Variants in CFAP20DC observed in about 807,000 individuals in gnomAD.
CFAP20DC encodes the protein CFAP20 domain containing.
A neutral mutation model predicts 101.7 loss-of-function variants in CFAP20DC; 84 were observed. That is an observed-to-expected ratio of 0.83 (90% confidence interval 0.69 to 0.99). The LOEUF is 0.99. Among genes scored for constraint, CFAP20DC ranks in the 50% least tolerant of loss-of-function variants. The pLI is 0.00. For missense variants in CFAP20DC, 1,007 were observed against 970.3 expected, an observed-to-expected ratio of 1.04 and a Z score of -0.50; for synonymous variants, 359 against 351.2, an observed-to-expected ratio of 1.02 and a Z score of -0.25.
chr3:58,766,810 TC>T (rs2070361604), intron 15 of CFAP20DC, among the ~76,000 whole-genome samples: 1 of 152,190 alleles, frequency 6.6e-6, no homozygotes, highest in Non-Finnish European at 1.5e-5. Context: ...TGCCCCCTTG[TC>T]TAGACCATGC....
In CFAP20DC at chr3:58,763,319, G is replaced by A. The variant is rs562313591; in HGVS notation, c.2238-9456C>T. Among the ~76,000 whole-genome samples, 3 of 152,268 alleles carry A rather than the reference G, an allele frequency of 2.0e-5. No homozygotes were observed. The South Asian group carries it at 6.2e-4, about 32-fold the overall frequency. ...TCCATCACTGACACCCTTTCTTCCA[G>A]TTGATCGAATCGGCTACTGAGGCTT... On this transcript the variant is annotated intron_variant, in intron 15 of 16. Transcript: ENST00000482387.
chr3:58,748,623 A>T (rs17059790), intron 16 of CFAP20DC, among the ~76,000 whole-genome samples: 18,355 of 152,120 alleles, frequency 0.12, 1,991 homozygotes, highest in East Asian at 0.35. Flanking sequence ...ATGTTAGAAA[A>T]ACCAGGAATC....
intron 5 of CFAP20DC, among the ~76,000 whole-genome samples, chr3:58,925,817 C>A (rs1356992447): frequency 1.3e-5 from 2 of 152,254 alleles, no homozygotes; most frequent in South Asian, 4.1e-4. Flanking sequence ...GAATCTGAAC[C>A]CATAGAATCT....
intron 15 of CFAP20DC, among the ~76,000 whole-genome samples, chr3:58,765,490 C>CAAAAAAAAAAAAAAAAAAAAAAAACA (rs1337049385): frequency 4.9e-5 from 4 of 81,816 alleles, no homozygotes; most frequent in Non-Finnish European, 7.5e-5. Flanking sequence ...AAAAAAAAAC[C>CAAAAAAAAAAAAAAAAAAAAAAAACA]AAAAAAAAAA....
At chr3:58,764,807 C>T (rs1323007489) in intron 15 of CFAP20DC, among the ~76,000 whole-genome samples, 4 of 152,108 alleles carry the variant, frequency 2.6e-5, no homozygotes, top group African/African-American at 9.7e-5. Flanking sequence ...TTCCTCCTTC[C>T]TCTTGAGGAC....
At chr3:59,027,534 C>T (rs1257622856) in intron 4 of CFAP20DC, among the ~76,000 whole-genome samples, 2 of 152,080 alleles carry the variant, frequency 1.3e-5, no homozygotes, top group African/African-American at 4.8e-5. Context: ...TCACTAGAGG[C>T]ACAACAGTAC....
intron 4 of CFAP20DC, among the ~76,000 whole-genome samples, chr3:58,981,366 C>A (rs1423826028): frequency 1.3e-5 from 2 of 152,000 alleles, no homozygotes; most frequent in Non-Finnish European, 2.9e-5. Flanking sequence ...CTTTAAAGTT[C>A]ATATGGAACC....
intron 3 of CFAP20DC, among the ~76,000 whole-genome samples, chr3:59,040,718 GTA>G (rs1371481816): frequency 6.6e-6 from 1 of 151,978 alleles, no homozygotes; most frequent in Non-Finnish European, 1.5e-5. Flanking sequence ...AGAACTTCTG[GTA>G]TATGATTCCC....
In CFAP20DC at chr3:58,891,557, C is replaced by G. The variant is rs1016315604; in HGVS notation, c.551-6848G>C. Among the ~76,000 whole-genome samples the G allele has an allele frequency of 2.0e-5, 3 of 152,226 alleles. No homozygotes were observed. The East Asian group carries it at 5.8e-4, about 29-fold the overall frequency. ...TTTTGATTTGCATTTCTCTAATGATCAGTGATACTGAGCTTTTTTTCATGT... is the reference window on the plus strand; with the variant it reads ...TTTTGATTTGCATTTCTCTAATGATGAGTGATACTGAGCTTTTTTTCATGT... On this transcript the variant is annotated intron_variant, in intron 6 of 16. Coordinates refer to ENST00000482387, the MANE Select transcript of CFAP20DC (RefSeq NM_001394063.1).
rs78213991 is a variant in CFAP20DC, at chr3:58,964,826, T to C, written c.279-27064A>G. 6.6e-6 allele frequency among the ~76,000 whole-genome samples: 1 copy of C among 152,322 alleles called. No homozygotes were observed. The highest frequency in any genetic ancestry group is 1.5e-5 in the Non-Finnish European group (1 of 68,026). On this transcript the variant is annotated intron_variant, in intron 4 of 16. Transcript: ENST00000482387. This position sits in a 1 kb window ranked among gnomAD's most constrained non-coding sequence, Gnocchi z 4.1. ...TTGTATACTGATTTTTGCAGGTATT[T>C]CTATTTTCTAAAGATAGGTTGCTGG...
At chr3:58,716,870 A>G (rs2067406465), downstream of CFAP20DC, among the ~76,000 whole-genome samples, 1 of 152,074 alleles carries the variant, frequency 6.6e-6, no homozygotes, top group African/African-American at 2.4e-5. Context: ...CAAACGAGGC[A>G]TATGTCTCCT....
chr3:58,884,704 A>T lies in CFAP20DC; in HGVS notation c.556T>A (p.Tyr186Asn). 6.2e-7 allele frequency: 1 copy of T among 1,603,272 alleles called. No homozygotes were observed. Among genetic ancestry groups the T allele is most frequent in the Non-Finnish European group, 8.5e-7 (1 of 1,173,602 alleles). ...PQDTADKDAV[Y>N]GVPFSTDEPT... is the part of the protein sequence containing the mutation. ...TCATCTGTTGAAAAGGGAACACCAT[A>T]GACAGCTGGAAATAAAGACAAACAT... is the stretch of plus-strand genomic sequence containing the variant. Residue 186 changes from tyrosine (Y) to asparagine (N), a missense_variant, in exon 7 of 17, where the codon TAT becomes AAT. Physicochemically the swap from Tyr to Asn is moderately radical, Grantham distance 143. Transcript: ENST00000482387.
Position 58,814,110 on chromosome 3 carries a change from T to C in CFAP20DC, c.2176-7654A>G, listed in dbSNP as rs2074913272. Among the ~76,000 whole-genome samples the C allele has an allele frequency of 2.0e-5, 3 of 151,994 alleles. No individual in the cohort carries two copies. The South Asian group carries it at 6.2e-4, about 32-fold the overall frequency. On this transcript the variant is annotated intron_variant, in intron 14 of 16. Transcript: ENST00000482387. ...GGTCTCCAGTGAATGGACCTCTGCC[T>C]ATTTATTTTTAGAGGCATTTCCATG...
chr3:58,912,326 TA>T lies in CFAP20DC; in HGVS notation c.550+1381del, dbSNP rs142906269. On this transcript the variant is annotated intron_variant, in intron 6 of 16. Coordinates refer to ENST00000482387, the MANE Select transcript of CFAP20DC (RefSeq NM_001394063.1). The surrounding 1 kb of genome is among the most constrained non-coding windows in gnomAD (Gnocchi z 4.4). Reference sequence around the variant, plus strand: ...GGCTTCTTATTAGCTGGGTGCCATTTAAAAAAATGAAATCTTTCACTTTCTC... The same window carrying T: ...GGCTTCTTATTAGCTGGGTGCCATTTAAAAAATGAAATCTTTCACTTTCTC... Among the ~76,000 whole-genome samples, 1 of 152,144 alleles carries T rather than the reference TA, an allele frequency of 6.6e-6. No individual in the cohort carries two copies. The highest frequency in any genetic ancestry group is 1.5e-5 in the Non-Finnish European group (1 of 68,016).
At chr3:58,754,309 C>CA (rs2068775487) in intron 15 of CFAP20DC, among the ~76,000 whole-genome samples, 1 of 152,136 alleles carries the variant, frequency 6.6e-6, no homozygotes, top group South Asian at 2.1e-4. Flanking sequence ...CCATGGACCC[C>CA]AGCAGTGGTG....
At position 58,864,746 on chromosome 3, in the gene CFAP20DC, C is replaced by G. The variant is rs113833447; in HGVS notation, c.1259-854G>C. Reference sequence around the variant, plus strand: ...AGGACAATTCACAGACTAAACCAAGCAGACTTTTCAAGTAATAGTAAATTC... The same window carrying G: ...AGGACAATTCACAGACTAAACCAAGGAGACTTTTCAAGTAATAGTAAATTC... On this transcript the variant is annotated intron_variant, in intron 11 of 16. Transcript: ENST00000482387. The surrounding 1 kb of genome is among the most constrained non-coding windows in gnomAD (Gnocchi z 4.7). Among the ~76,000 whole-genome samples the G allele has an allele frequency of 1.1e-4, 17 of 152,278 alleles. No individual in the cohort carries two copies. Among genetic ancestry groups the G allele is most frequent in the African/African-American group, 4.1e-4 (17 of 41,552 alleles).
rs1175305532 is a variant in CFAP20DC at position 58,732,874 on chromosome 3, T to C, written c.198-15246A>G. Among the ~76,000 whole-genome samples, 1 of 152,228 alleles carries C rather than the reference T, an allele frequency of 6.6e-6. No individual in the cohort carries two copies. Among genetic ancestry groups the C allele is most frequent in the Non-Finnish European group, 1.5e-5 (1 of 68,036 alleles). On this transcript the variant is annotated intron_variant, in intron 3 of 3. Transcript: ENST00000486145. The surrounding 1 kb of genome is among the most constrained non-coding windows in gnomAD (Gnocchi z 5.4). ...TGTGATTAAGCTCAGGATAGACATTTGGAGAGAACCATTTGTAGGGGATGG... is the reference window on the plus strand; with the variant it reads ...TGTGATTAAGCTCAGGATAGACATTCGGAGAGAACCATTTGTAGGGGATGG...
chr3:58,797,922 C>T (rs897497567), intron 15 of CFAP20DC, among the ~76,000 whole-genome samples: 3 of 152,112 alleles, frequency 2.0e-5, no homozygotes, highest in African/African-American at 7.2e-5. Flanking sequence ...GCTTATAGCA[C>T]AGTATACTGA....
At chr3:58,838,271 G>A (rs991773784) in intron 13 of CFAP20DC, among the ~76,000 whole-genome samples, 1 of 152,164 alleles carries the variant, frequency 6.6e-6, no homozygotes, top group Non-Finnish European at 1.5e-5. Context: ...GGAATCAGGA[G>A]TTAGGCCATA....
Sources: allele counts gnomAD v4.1 joint callset (sites outside exome capture counted in the v4.1 genomes callset), GRCh38; gene constraint gnomAD v4.1.1; non-coding constraint Gnocchi (gnomAD v3.1); transcripts MANE v1.5; gene names NCBI Gene and HGNC (gene_info 2026-07-23, HGNC 2026-07-21).